WWOX: variants seen among roughly 807,000 people sequenced by gnomAD.
WWOX encodes the protein WW domain containing oxidoreductase.
A neutral mutation model predicts 46.2 loss-of-function variants in WWOX; 69 were observed. That is an observed-to-expected ratio of 1.49 (90% CI 1.23 to 1.82). WWOX has a LOEUF of 1.82. WWOX is among the 40% of genes most tolerant of loss of function. The pLI, the probability that WWOX is intolerant of heterozygous loss-of-function variation, is 0.00. For missense variants in WWOX, 919 were observed against 542.6 expected, an observed-to-expected ratio of 1.69 and a Z score of -6.89; for synonymous variants, 359 against 202.6, an observed-to-expected ratio of 1.77 and a Z score of -6.56.
chr16:78,722,462 C>A (rs1327786716), intron 8 of WWOX, among the ~76,000 whole-genome samples: 2 of 152,148 alleles, frequency 1.3e-5, no homozygotes, highest in African/African-American at 4.8e-5. Flanking sequence ...TGGCATAGTT[C>A]CTGTCACATA....
intron 8 of WWOX, chr16:78,890,321 A>G (rs2044561734): frequency 6.6e-6 from 1 of 151,880 alleles, no homozygotes; most frequent in Admixed American, 6.5e-5. Context: ...CCTCTCCATC[A>G]TTCTTAAATT....
intron 8 of WWOX, among the ~76,000 whole-genome samples, chr16:78,976,694 C>T (rs937860776): frequency 1.1e-4 from 17 of 152,198 alleles, no homozygotes; most frequent in Non-Finnish European, 1.5e-5. Flanking sequence ...GAGAAAATGC[C>T]TGAGACCCAC....
chr16:78,587,534 A>G (rs887797913), intron 8 of WWOX, among the ~76,000 whole-genome samples: 15 of 152,080 alleles, frequency 9.9e-5, no homozygotes, highest in African/African-American at 3.4e-4. Context: ...ACAAGCGATC[A>G]CTTGGTGTCC....
intron 8 of WWOX, among the ~76,000 whole-genome samples, chr16:78,877,904 C>T (rs1054393081): frequency 1.3e-5 from 2 of 152,144 alleles, no homozygotes; most frequent in African/African-American, 4.8e-5. Flanking sequence ...CTTCAGCGCC[C>T]ACAGATACTC....
At chr16:78,397,412 G>A (rs2082312282) in intron 6 of WWOX, among the ~76,000 whole-genome samples, 2 of 152,140 alleles carry the variant, frequency 1.3e-5, no homozygotes, top group African/African-American at 4.8e-5. Context: ...GCAGAAGAAT[G>A]GCAGTGTTTA....
intron 8 of WWOX, among the ~76,000 whole-genome samples, chr16:78,690,228 C>T (rs762409682): frequency 1.4e-4 from 21 of 152,016 alleles, no homozygotes; most frequent in East Asian, 3.9e-4. Flanking sequence ...TGTGTAGGGC[C>T]GGATATAGTG....
intron 8 of WWOX, among the ~76,000 whole-genome samples, chr16:79,191,924 G>A (rs1353678287): frequency 6.6e-6 from 1 of 152,194 alleles, no homozygotes; most frequent in Non-Finnish European, 1.5e-5. Flanking sequence ...GGGAGCAAGA[G>A]ATCAGGTCTT....
intron 8 of WWOX, among the ~76,000 whole-genome samples, chr16:78,470,838 C>G (rs72799946): frequency 0.048 from 7,350 of 152,218 alleles, 365 homozygotes; most frequent in East Asian, 0.23. Flanking sequence ...CAGCAAGACC[C>G]CACTGCTATT....
intron 4 of WWOX, among the ~76,000 whole-genome samples, chr16:78,131,626 G>C (rs980668819): frequency 2.6e-5 from 4 of 151,680 alleles, no homozygotes; most frequent in East Asian, 1.9e-4. Context: ...CTGTCGCCCA[G>C]GATGGAGTGC....
chr16:78,514,304 A>G (rs2085435928), intron 8 of WWOX, among the ~76,000 whole-genome samples: 1 of 152,220 alleles, frequency 6.6e-6, no homozygotes, highest in African/African-American at 2.4e-5. Flanking sequence ...CACATTAATT[A>G]TGTGCAACAG....
chr16:78,460,957 G>A (rs1392517134), intron 8 of WWOX, among the ~76,000 whole-genome samples: 1 of 151,158 alleles, frequency 6.6e-6, no homozygotes, highest in African/African-American at 2.4e-5. Context: ...TATCAGTAAT[G>A]TTGATTACTA....
At chr16:78,266,803 T>TCC (rs2079372880) in intron 5 of WWOX, among the ~76,000 whole-genome samples, 1 of 133,990 alleles carries the variant, frequency 7.5e-6, no homozygotes, top group African/African-American at 2.9e-5. Flanking sequence ...TCTCTCTCTC[T>TCC]CTCTCTCTCT....
rs1419338313 is a variant in WWOX, at chr16:78,209,062, A to T, written c.516+44773A>T. On this transcript the variant is annotated intron_variant, in intron 5 of 8. Transcript: ENST00000566780. ...TGAATGTATATACATATGCATATTT[A>T]TGTGTAATGTCTATTTCATGCTAAA... Among the ~76,000 whole-genome samples, 4 of 152,330 alleles carry T rather than the reference A, an allele frequency of 2.6e-5. No homozygotes were observed. The East Asian group carries it at 7.7e-4, about 29-fold the overall frequency.
In WWOX at chr16:78,254,221, C is replaced by G. The variant is rs144512234; in HGVS notation, c.516+89932C>G. ...GACTACAGGTATTCACCACCAAGCT[C>G]GGCTAAATTTTTTTTGAAACTATTT... On this transcript the variant is annotated intron_variant, in intron 5 of 8. Coordinates refer to ENST00000566780, the MANE Select transcript of WWOX (RefSeq NM_016373.4). Among the ~76,000 whole-genome samples, 51 of 151,794 alleles carry G rather than the reference C, an allele frequency of 3.4e-4. 1 individual carries two copies. The East Asian group carries it at 6.1e-3, about 18-fold the overall frequency.
At chr16:78,708,334 T>C (rs2048368860) in intron 8 of WWOX, among the ~76,000 whole-genome samples, 1 of 152,218 alleles carries the variant, frequency 6.6e-6, no homozygotes. Context: ...AGAAATGATT[T>C]GTTGTTTATG....
chr16:78,479,658 A>G (rs995650052), intron 8 of WWOX, among the ~76,000 whole-genome samples: 7 of 152,196 alleles, frequency 4.6e-5, no homozygotes, highest in Admixed American at 4.6e-4. Context: ...AATGATTGAC[A>G]TGGAGGTTCA....
At chr16:79,095,498 C>A (rs768711585) in intron 8 of WWOX, among the ~76,000 whole-genome samples, 1 of 152,104 alleles carries the variant, frequency 6.6e-6, no homozygotes, top group Non-Finnish European at 1.5e-5. Flanking sequence ...CTGCCCTGGT[C>A]CATCAGTCAG....
chr16:78,847,252 A>G (rs2052323523), intron 8 of WWOX, among the ~76,000 whole-genome samples: 1 of 152,206 alleles, frequency 6.6e-6, no homozygotes, highest in South Asian at 2.1e-4. Flanking sequence ...GAACTTCTCA[A>G]CAGAGTTTAG....
At chr16:78,812,291 G>C (rs1219098782) in intron 8 of WWOX, among the ~76,000 whole-genome samples, 1 of 152,156 alleles carries the variant, frequency 6.6e-6, no homozygotes, top group Non-Finnish European at 1.5e-5. Flanking sequence ...GACATCAGCA[G>C]CCAGCCACAG....
Sources: gnomAD v4.1 joint callset for allele counts (sites outside exome capture counted in the v4.1 genomes callset) on GRCh38, gnomAD v4.1.1 for gene constraint, MANE v1.5 for transcripts, NCBI Gene and HGNC (gene_info 2026-07-23, HGNC 2026-07-21) for gene names.